The following ANKS1A variants were observed in gnomAD, a reference collection of about 807,000 sequenced individuals.
The protein encoded by ANKS1A is ankyrin repeat and sterile alpha motif domain containing 1A.
In ANKS1A, 55 loss-of-function variants were observed where a neutral mutation model predicts 120.3. The ratio of observed to expected loss-of-function variants is 0.46; its 90% CI spans 0.37 to 0.57. ANKS1A has a LOEUF of 0.57. Ranked by LOEUF, ANKS1A falls within the 20% of genes least tolerant of loss-of-function variation. The probability of loss-of-function intolerance (pLI) is 0.00; values close to 1 mark genes in which losing one functional copy is unlikely to be tolerated. For synonymous variants in ANKS1A, 590 were observed against 604.7 expected (o/e 0.98, Z 0.36); for missense variants, 1,123 against 1,480.3 (o/e 0.76, Z 3.96).
At chr6:34,999,056 A>C (rs937231050) in intron 10 of ANKS1A, among the ~76,000 whole-genome samples, 1 of 152,220 alleles carries the variant, frequency 6.6e-6, no homozygotes, top group Non-Finnish European at 1.5e-5. Context: ...CAGTGGCTGA[A>C]CACCAGGAAG....
rs768975148 is a variant in ANKS1A at position 35,080,959 on chromosome 6, G to T, written c.2545-35G>T. ...ACCTGTAGTCGGGCACTGGGCCGAGGGTTGCAAGTTCCACCTGGATTTTTC... is the reference window on the plus strand; with the variant it reads ...ACCTGTAGTCGGGCACTGGGCCGAGTGTTGCAAGTTCCACCTGGATTTTTC... On this transcript the variant is annotated intron_variant, in intron 16 of 23. Coordinates refer to ENST00000360359, the MANE Select transcript of ANKS1A (RefSeq NM_015245.3). 3.7e-6 allele frequency: 6 copies of T among 1,601,816 alleles called. No individual in the cohort carries two copies. In the African/African-American group the frequency reaches 8.0e-5, roughly 21 times the overall value.
At chr6:34,998,406 G>A (rs1167940505) in intron 10 of ANKS1A, among the ~76,000 whole-genome samples, 1 of 152,080 alleles carries the variant, frequency 6.6e-6, no homozygotes, top group Non-Finnish European at 1.5e-5. Flanking sequence ...ACTCAGAAAA[G>A]AAAAGAGAAG....
In ANKS1A at chr6:34,970,156, T is replaced by G. The variant is rs1561879334; in HGVS notation, c.425T>G (p.Val142Gly). ...LIHQGPSHTRVNEQNNDNETA... is the reference protein window; with the variant it reads ...LIHQGPSHTRGNEQNNDNETA... ...CATCAAGGGCCTTCACACACCAGAG[T>G]CAATGAACAGGTCGGAAGGAAGGGA... The change falls in exon 3 of 24, where the codon GTC (valine) becomes GGC (glycine). Residue 142 changes from valine to glycine, a missense_variant. Coordinates refer to ENST00000360359, the MANE Select transcript of ANKS1A (RefSeq NM_015245.3). 6.2e-7 allele frequency: 1 copy of G among 1,613,350 alleles called. No homozygotes were observed. Among genetic ancestry groups the G allele is most frequent in the African/African-American group, 1.3e-5 (1 of 74,964 alleles).
At chr6:34,999,000 C>T (rs983571145) in intron 10 of ANKS1A, among the ~76,000 whole-genome samples, 21 of 152,212 alleles carry the variant, frequency 1.4e-4, no homozygotes, top group Admixed American at 5.9e-4. Flanking sequence ...CCTGATGGGA[C>T]GCCTTGCCAG....
In ANKS1A at chr6:35,089,204, C is replaced by G. The variant is rs1483476162; in HGVS notation, c.*595C>G. 6.0e-6 allele frequency: 6 copies of G among 994,804 alleles called. No homozygotes were observed. The East Asian group carries it at 5.3e-4, about 87-fold the overall frequency. The allele number at this position is 994,804 out of a possible 1,614,324, so 61.6% of individuals were successfully genotyped here. A position where few individuals can be genotyped will look rare whatever the true frequency, so the allele number is the denominator to read the frequency against. On this transcript the variant is annotated 3_prime_UTR_variant, in exon 24 of 24. Transcript: ENST00000360359. ...CCCAACTTCCTGTCCCTTTCAGGGG[C>G]TAGACACAGGCTTCTCGTAAGAACA...
chr6:35,048,607 C>T (rs1267563677), intron 11 of ANKS1A, among the ~76,000 whole-genome samples: 20 of 152,190 alleles, frequency 1.3e-4, no homozygotes, highest in Admixed American at 1.2e-3. Context: ...GAAAAAAAAT[C>T]ACCCAGACCC....
intron 1 of ANKS1A, among the ~76,000 whole-genome samples, chr6:34,914,337 T>TA (rs1172047447): frequency 1.3e-5 from 2 of 152,238 alleles, no homozygotes; most frequent in Non-Finnish European, 2.9e-5. Flanking sequence ...ATTTTATTTT[T>TA]AAAAAATCAT....
At chr6:35,002,222 A>T (rs1773209548) in intron 10 of ANKS1A, among the ~76,000 whole-genome samples, 1 of 152,022 alleles carries the variant, frequency 6.6e-6, no homozygotes, top group Non-Finnish European at 1.5e-5. Flanking sequence ...GACTCAGTTT[A>T]TTCTAGTGCG....
chr6:34,986,545 T>G (rs1248437767), intron 8 of ANKS1A, among the ~76,000 whole-genome samples: 1 of 152,240 alleles, frequency 6.6e-6, no homozygotes, highest in African/African-American at 2.4e-5. Context: ...TCCCTTTTGG[T>G]CTGAATCTGG....
intron 8 of ANKS1A, among the ~76,000 whole-genome samples, chr6:34,987,917 G>A (rs930657848): frequency 2.6e-5 from 4 of 152,198 alleles, no homozygotes; most frequent in Non-Finnish European, 5.9e-5. Context: ...GTCCCCCACT[G>A]CCTTTAGTCG....
At position 34,982,782 on chromosome 6, in the gene ANKS1A, G is replaced by A. The variant is rs1240986989; in HGVS notation, c.763G>A (p.Ala255Thr). The A allele has an allele frequency of 1.2e-6, 2 of 1,614,140 alleles. No individual in the cohort carries two copies. The highest frequency in any genetic ancestry group is 1.7e-5 in the Admixed American group (1 of 60,006). The change falls in exon 5 of 24, where the codon GCT becomes ACT. Residue 255 changes from alanine (A) to threonine (T), a missense_variant. By Grantham distance (58) the Ala-to-Thr change is moderately conservative. Coordinates refer to ENST00000360359, the MANE Select transcript of ANKS1A (RefSeq NM_015245.3). The surrounding 1 kb of genome is among the most constrained non-coding windows in gnomAD (Gnocchi z 4.9). The part of the protein sequence containing the change: ...TEMGSALHEA[A>T]LFGKTDVVQI... ...GATGGGCAGTGCTTTGCATGAGGCT[G>A]CTTTGTTTGGCAAGACCGATGTGGT...
intron 3 of ANKS1A, among the ~76,000 whole-genome samples, chr6:34,979,117 G>C (rs564984215): frequency 6.6e-6 from 1 of 151,944 alleles, no homozygotes; most frequent in Non-Finnish European, 1.5e-5. Context: ...GGATGGTCTC[G>C]ATCTCATGAC....
At chr6:34,919,160 C>T (rs1234877610) in intron 1 of ANKS1A, among the ~76,000 whole-genome samples, 1 of 152,212 alleles carries the variant, frequency 6.6e-6, no homozygotes, top group South Asian at 2.1e-4. Flanking sequence ...CTTATATACA[C>T]TTTAAAAGAC....
chr6:34,918,359 A>G (rs895565107), intron 1 of ANKS1A, among the ~76,000 whole-genome samples: 1 of 152,198 alleles, frequency 6.6e-6, no homozygotes, highest in African/African-American at 2.4e-5. Context: ...CACTTCCAAA[A>G]TGGGGGTGGT....
chr6:35,028,981 A>G (rs988508713), intron 11 of ANKS1A, among the ~76,000 whole-genome samples: 1 of 152,206 alleles, frequency 6.6e-6, no homozygotes, highest in African/African-American at 2.4e-5. Flanking sequence ...CCTACCCACA[A>G]CATGTAAACA....
At chr6:35,006,044 T>C (rs9380480) in intron 10 of ANKS1A, among the ~76,000 whole-genome samples, 128,092 of 151,648 alleles carry the variant, frequency 0.84, 55,258 homozygotes, top group Non-Finnish European at 0.95. Context: ...AAAAATTAGC[T>C]GGGTGTGGTG....
chr6:35,083,612 T>G, intron 20 of ANKS1A, 109 bp downstream of exon 20: 1 of 1,025,652 alleles, frequency 9.7e-7, no homozygotes, highest in Non-Finnish European at 1.5e-6. Context: ...CTTATCTCCC[T>G]AGAGGGTCCC....
intron 10 of ANKS1A, among the ~76,000 whole-genome samples, chr6:35,009,004 G>T (rs1438613108): frequency 6.6e-6 from 1 of 152,164 alleles, no homozygotes; most frequent in Non-Finnish European, 1.5e-5. Context: ...ATCCGGTTTG[G>T]CTGGAACAAA....
intron 1 of ANKS1A, among the ~76,000 whole-genome samples, chr6:34,964,987 C>T: frequency 6.6e-6 from 1 of 152,120 alleles, no homozygotes; most frequent in East Asian, 1.9e-4. Flanking sequence ...TACTTTCTGC[C>T]TTTTAGTAAT....
Sources: gnomAD v4.1 joint callset for allele counts (sites outside exome capture counted in the v4.1 genomes callset) on GRCh38, gnomAD v4.1.1 for gene constraint, Gnocchi (gnomAD v3.1) non-coding constraint, MANE v1.5 for transcripts, NCBI Gene and HGNC (gene_info 2026-07-23, HGNC 2026-07-21) for gene names.